CYP4B1: variants seen among roughly 807,000 people sequenced by gnomAD.
The protein encoded by CYP4B1 is cytochrome P450 4B1.
Under a neutral mutation model 54.0 loss-of-function variants are expected in CYP4B1, and 45 were observed. That is an observed-to-expected ratio of 0.83 (90% confidence interval 0.66 to 1.07). The LOEUF is 1.07. Ranked by LOEUF, CYP4B1 falls within the 50% of genes least tolerant of loss-of-function variation. CYP4B1 has a pLI of 0.00. For missense variants in CYP4B1, 656 were observed against 655.4 expected, an observed-to-expected ratio of 1.00 and a Z score of -0.01; for synonymous variants, 248 against 247.5, an observed-to-expected ratio of 1.00 and a Z score of -0.02.
At position 46,813,978 on chromosome 1, in the gene CYP4B1, C is replaced by A; in HGVS notation, c.690C>A (p.Phe230Leu). Residue 230 changes from phenylalanine to leucine, a missense_variant, in exon 6 of 12, where the codon TTC becomes TTA. Physicochemically the swap from Phe to Leu is conservative, Grantham distance 22. Transcript: ENST00000371923. ...TGATGCAGCAGCGCCTTGTGTCCTT[C>A]CAGTACCATAATGACTTCATCTACT... ...TLLMQQRLVS[F>L]QYHNDFIYWL... The A allele has an allele frequency of 6.2e-7, 1 of 1,614,194 alleles. No individual in the cohort carries two copies. Among genetic ancestry groups the A allele is most frequent in the East Asian group, 2.2e-5 (1 of 44,870 alleles).
rs372816291 is a variant in CYP4B1, at chr1:46,815,086, A to G, written c.895A>G (p.Ile299Val). 6.2e-7 allele frequency: 1 copy of G among 1,614,174 alleles called. No homozygotes were observed. Among genetic ancestry groups the G allele is most frequent in the Non-Finnish European group, 8.5e-7 (1 of 1,180,018 alleles). ...ILLGARDEDD[I>V]KLSDADLRAE... ...TTCCCTAACCCAGGATGAAGATGACATCAAACTGTCAGATGCAGACCTCCG... is the reference window on the plus strand; with the variant it reads ...TTCCCTAACCCAGGATGAAGATGACGTCAAACTGTCAGATGCAGACCTCCG... The change falls in exon 8 of 12, where the codon ATC becomes GTC. Residue 299 changes from isoleucine to valine, a missense_variant. Ile to Val is a conservative substitution (Grantham distance 29). Coordinates refer to ENST00000371923, the MANE Select transcript of CYP4B1 (RefSeq NM_001099772.2).
At chr1:46,817,823 G>A in intron 9 of CYP4B1, 142 bp from the exon 10 acceptor site, 1 of 719,018 alleles carries the variant, frequency 1.4e-6, no homozygotes, top group South Asian at 1.6e-5. Context: ...AGTCGGATGT[G>A]GTCATGAACG....
At position 46,811,171 on chromosome 1, in the gene CYP4B1, C is replaced by T. The variant is rs867323780; in HGVS notation, c.354C>T (p.Phe118=). 1 of 1,614,064 alleles carries T rather than the reference C, an allele frequency of 6.2e-7. No homozygotes were observed. Among genetic ancestry groups the T allele is most frequent in the East Asian group, 2.2e-5 (1 of 44,884 alleles). Residue 118 remains phenylalanine (F), a synonymous_variant, in exon 3 of 12, where the codon TTC becomes TTT. Transcript: ENST00000371923. ...DPKAPDVYDF[F]LQWIGRGLLV... ...AGGCCCCTGATGTGTATGACTTCTT[C>T]CTCCAGTGGATTGGTGAGTGAGCAC...
intron 9 of CYP4B1, chr1:46,817,401 G>T: frequency 5.1e-6 from 3 of 587,458 alleles, no homozygotes; most frequent in Non-Finnish European, 9.0e-6. Flanking sequence ...GAGTATCTAT[G>T]TTTCTAGGCT....
chr1:46,813,836 C>T lies in CYP4B1; in HGVS notation c.621-73C>T, dbSNP rs1679213353. The T allele has an allele frequency of 5.1e-6, 8 of 1,567,568 alleles. No homozygotes were observed. The Admixed American group carries it at 1.2e-4, about 24-fold the overall frequency. ...ATGCTCTGTGGTTGGGGCTAGATTC[C>T]TGGAATGGAGTTTCTCTGGCTCTGC... On this transcript the variant is annotated intron_variant, in intron 5 of 11. Coordinates refer to ENST00000371923, the MANE Select transcript of CYP4B1 (RefSeq NM_001099772.2).
In CYP4B1 at chr1:46,814,222, G is replaced by A; in HGVS notation, c.789G>A (p.Arg263=). ...CTTTTGGTTCAGACCAGGTCATCAG[G>A]GAGCGGAAGGCAGCCCTGCAGGATG... is the stretch of plus-strand genomic sequence containing the variant. ...VAHDHTDQVI[R]ERKAALQDEK... The change falls in exon 7 of 12, where the codon AGG becomes AGA. Residue 263 remains arginine (R), a synonymous_variant. Coordinates refer to ENST00000371923, the MANE Select transcript of CYP4B1 (RefSeq NM_001099772.2). The A allele has an allele frequency of 6.2e-7, 1 of 1,614,116 alleles. No individual in the cohort carries two copies. Among genetic ancestry groups the A allele is most frequent in the Non-Finnish European group, 8.5e-7 (1 of 1,180,008 alleles).
At chr1:46,800,651 C>T (rs112354732) in intron 1 of CYP4B1, among the ~76,000 whole-genome samples, 3 of 152,228 alleles carry the variant, frequency 2.0e-5, no homozygotes, top group African/African-American at 4.8e-5. Context: ...GATTGAGGCT[C>T]AGAGTGAGGC....
chr1:46,806,090 TG>T (rs1320235036), intron 1 of CYP4B1, among the ~76,000 whole-genome samples: 1 of 152,228 alleles, frequency 6.6e-6, no homozygotes, highest in Non-Finnish European at 1.5e-5. Flanking sequence ...GAATTAAGAC[TG>T]TCCAAAGATG....
In CYP4B1 at chr1:46,818,715, C is replaced by T; in HGVS notation, c.1440C>T (p.Asp480=). 6.2e-7 allele frequency: 1 copy of T among 1,614,166 alleles called. No homozygotes were observed. Among genetic ancestry groups the T allele is most frequent in the Non-Finnish European group, 8.5e-7 (1 of 1,180,008 alleles). The change falls in exon 12 of 12, where the codon GAC becomes GAT. Residue 480 remains aspartate (D), a synonymous_variant. Coordinates refer to ENST00000371923, the MANE Select transcript of CYP4B1 (RefSeq NM_001099772.2). ...TGCTCCGCTTTGAGTTCTCTCTGGA[C>T]CCCTCACGGCTGCCCATCAAGATGC... ...MCLLRFEFSL[D]PSRLPIKMPQ...
chr1:46,799,294 A>G (rs910660201), intron 1 of CYP4B1, 33 bp downstream of exon 1: 3 of 1,543,946 alleles, frequency 1.9e-6, no homozygotes, highest in Admixed American at 2.0e-5. Context: ...GGGGAGAAAG[A>G]AAACATCCTC....
chr1:46,812,675 C>T (rs771056108), intron 4 of CYP4B1, 52 bp downstream of exon 4: 1 of 1,587,776 alleles, frequency 6.3e-7, no homozygotes, highest in South Asian at 1.1e-5. Flanking sequence ...GGGCTAGCCC[C>T]TCTCCACCCT....
Position 46,812,551 on chromosome 1 carries a change from C to G in CYP4B1, c.423C>G (p.Leu141=), listed in dbSNP as rs1347242576. The G allele has an allele frequency of 6.2e-7, 1 of 1,613,898 alleles. No homozygotes were observed. The highest frequency in any genetic ancestry group is 1.3e-5 in the African/African-American group (1 of 74,920). ...GPKWLQHRKL[L]TPGFHYDVLK... Reference sequence around the variant, plus strand: ...AGTGGTTGCAGCACCGCAAGCTGCTCACACCTGGCTTTCATTATGATGTGC... The same window carrying G: ...AGTGGTTGCAGCACCGCAAGCTGCTGACACCTGGCTTTCATTATGATGTGC... Residue 141 remains leucine (L), a synonymous_variant, in exon 4 of 12, where the codon CTC becomes CTG. Transcript: ENST00000371923.
rs1569903847 is a variant in CYP4B1 at position 46,814,207 on chromosome 1, A to G, written c.776-2A>G. 5.6e-6 allele frequency: 9 copies of G among 1,614,098 alleles called. No homozygotes were observed. The highest frequency in any genetic ancestry group is 5.9e-6 in the Non-Finnish European group (7 of 1,179,982). On this transcript the variant is annotated splice_acceptor_variant, in intron 6 of 11. Coordinates refer to ENST00000371923, the MANE Select transcript of CYP4B1 (RefSeq NM_001099772.2). LOFTEE classifies it high-confidence loss of function. ...CAGTGACACTCTGTGCTTTTGGTTCAGACCAGGTCATCAGGGAGCGGAAGG... is the reference window on the plus strand; with the variant it reads ...CAGTGACACTCTGTGCTTTTGGTTCGGACCAGGTCATCAGGGAGCGGAAGG...
intron 1 of CYP4B1, among the ~76,000 whole-genome samples, chr1:46,800,191 T>A (rs1468841524): frequency 2.3e-5 from 1 of 44,358 alleles, no homozygotes; most frequent in African/African-American, 4.7e-5. Context: ...TTCTCTTTCT[T>A]TCTTTCTCTT....
chr1:46,814,162 A>G (rs535076825), intron 6 of CYP4B1, 47 bp from the exon 7 acceptor site: 3 of 1,612,060 alleles, frequency 1.9e-6, no homozygotes, highest in East Asian at 2.2e-5. Flanking sequence ...TCCCCTTTGG[A>G]CAAAAGATGG....
At chr1:46,801,964 C>T (rs1189600904) in intron 1 of CYP4B1, among the ~76,000 whole-genome samples, 1 of 152,110 alleles carries the variant, frequency 6.6e-6, no homozygotes, top group African/African-American at 2.4e-5. Flanking sequence ...ATTAATTTCT[C>T]CTTCTTGGTC....
intron 1 of CYP4B1, among the ~76,000 whole-genome samples, chr1:46,804,787 T>C (rs566278704): frequency 6.6e-5 from 10 of 152,062 alleles, no homozygotes; most frequent in Non-Finnish European, 1.2e-4. Context: ...GAAATAAAAG[T>C]TTTTGAGAAG....
intron 3 of CYP4B1, 47 bp from the exon 4 acceptor site, chr1:46,812,449 G>C: frequency 6.3e-7 from 1 of 1,579,782 alleles, no homozygotes. Context: ...GCCCCAGGCT[G>C]CCAGGGCCTG....
chr1:46,818,187 C>T lies in CYP4B1; in HGVS notation c.1329C>T (p.Ala443=). 1 of 1,614,160 alleles carries T rather than the reference C, an allele frequency of 6.2e-7. No individual in the cohort carries two copies. ...ATGCATCCAAACGCCATCCCTTTGC[C>T]TTTATGCCCTTCTCTGCTGGGCCCA... ...TENASKRHPF[A]FMPFSAGPRN... Residue 443 remains alanine (A), a synonymous_variant, in exon 11 of 12, where the codon GCC becomes GCT. Transcript: ENST00000371923.
Sources: gnomAD v4.1 joint callset for allele counts (sites outside exome capture counted in the v4.1 genomes callset) on GRCh38, gnomAD v4.1.1 for gene constraint, MANE v1.5 for transcripts, NCBI Gene and HGNC (gene_info 2026-07-23, HGNC 2026-07-21) for gene names.